COL4A1: variants seen among roughly 807,000 people sequenced by gnomAD.
COL4A1 encodes collagen type IV alpha 1 chain.
COL4A1 carries 40 observed loss-of-function variants against 216.6 expected under a neutral mutation model. The ratio of observed to expected loss-of-function variants is 0.18; its 90% CI spans 0.14 to 0.24. The LOEUF is 0.24. Among genes scored for constraint, COL4A1 ranks in the 10% least tolerant of loss-of-function variants. The pLI, the probability that COL4A1 is intolerant of heterozygous loss-of-function variation, is 1.00. For missense variants in COL4A1, 1,628 were observed against 2,196.8 expected (o/e 0.74, Z 5.18); for synonymous variants, 839 against 810.7 (o/e 1.03, Z -0.59).
chr13:110,270,534 A>G (rs944137766), intron 1 of COL4A1, among the ~76,000 whole-genome samples: 2 of 152,116 alleles, frequency 1.3e-5, no homozygotes, highest in African/African-American at 2.4e-5. Context: ...CACAACAACC[A>G]TTGTAGGGTT....
chr13:110,169,649 G>A lies in COL4A1; in HGVS notation c.3856C>T (p.Pro1286Ser), dbSNP rs1877514848. ...APGVPGPKGD[P>S]GFQGMPGIGG... ...CTCACAGGCATGCCCTGGAATCCAGGGTCTCCCTTGGGCCCTGGGACACCG... is the reference window on the plus strand; with the variant it reads ...CTCACAGGCATGCCCTGGAATCCAGAGTCTCCCTTGGGCCCTGGGACACCG... Residue 1286 changes from proline (P) to serine (S), a missense_variant, in exon 43 of 52, where the codon CCT (proline) becomes TCT (serine). By Grantham distance (74) the Pro-to-Ser change is moderately conservative (BLOSUM62 -1). Transcript: ENST00000375820. 2.5e-6 allele frequency: 4 copies of A among 1,614,022 alleles called. No individual in the cohort carries two copies. Among genetic ancestry groups the A allele is most frequent in the Middle Eastern group, 1.6e-4 (1 of 6,062 alleles).
Position 110,179,301 on chromosome 13 carries a change from T to C in COL4A1, c.2314A>G (p.Ile772Val). ...VPGVPGEHGA[I>V]GPPGLQGIRG... The stretch of plus-strand genomic sequence containing the variant: ...ATCCCCTGAAGCCCAGGGGGTCCGA[T>C]CGCTCCATGTTCTCCAGGAACGCCT... Residue 772 changes from isoleucine to valine, a missense_variant, in exon 30 of 52, where the codon ATC (isoleucine) becomes GTC (valine). Ile to Val is a conservative substitution (Grantham distance 29, BLOSUM62 3). Coordinates refer to ENST00000375820, the MANE Select transcript of COL4A1 (RefSeq NM_001845.6). 1 of 1,614,102 alleles carries C rather than the reference T, an allele frequency of 6.2e-7. No homozygotes were observed. The highest frequency in any genetic ancestry group is 8.5e-7 in the Non-Finnish European group (1 of 1,180,026).
At chr13:110,246,922 T>C (rs182091848) in intron 1 of COL4A1, among the ~76,000 whole-genome samples, 27 of 152,010 alleles carry the variant, frequency 1.8e-4, no homozygotes, top group Non-Finnish European at 1.3e-4. Context: ...ACGAAGGCAG[T>C]CTCCACTTGG....
chr13:110,212,496 GA>G lies in COL4A1; in HGVS notation c.325-18del. Reference sequence around the variant, plus strand: ...AGGAATTCCCTGCAATGAAGAAAGTGAAAATGTAACCCAGGCAGAAAATCGC... The same window carrying G: ...AGGAATTCCCTGCAATGAAGAAAGTGAAATGTAACCCAGGCAGAAAATCGC... On this transcript the variant is annotated intron_variant, in intron 5 of 51. Transcript: ENST00000375820. The G allele has an allele frequency of 6.2e-7, 1 of 1,614,224 alleles. No individual in the cohort carries two copies. Among genetic ancestry groups the G allele is most frequent in the East Asian group, 2.2e-5 (1 of 44,888 alleles).
intron 11 of COL4A1, among the ~76,000 whole-genome samples, chr13:110,209,185 G>A (rs1020136088): frequency 6.6e-6 from 1 of 152,106 alleles, no homozygotes; most frequent in Non-Finnish European, 1.5e-5. Context: ...TATTGACTAA[G>A]GGATGGATGA....
chr13:110,184,718 T>C (rs1370228515), intron 26 of COL4A1, among the ~76,000 whole-genome samples: 1 of 152,168 alleles, frequency 6.6e-6, no homozygotes, highest in African/African-American at 2.4e-5. Context: ...TTTGTTTGTT[T>C]GTTTGTTTTT....
At chr13:110,200,637 G>A (rs1226700602) in intron 20 of COL4A1, among the ~76,000 whole-genome samples, 2 of 152,138 alleles carry the variant, frequency 1.3e-5, no homozygotes. Flanking sequence ...ACATAAGGGT[G>A]TACATGTTCA....
intron 1 of COL4A1, chr13:110,305,812 A>T (rs1383017532): frequency 1.3e-5 from 2 of 152,258 alleles, no homozygotes; most frequent in East Asian, 3.8e-4. Context: ...GGCATGTAAC[A>T]GTTAACAATT....
intron 22 of COL4A1, 44 bp downstream of exon 22, chr13:110,194,979 C>G (rs763700172): frequency 3.2e-6 from 5 of 1,560,898 alleles, no homozygotes; most frequent in Non-Finnish European, 4.4e-6. Context: ...AAAAATCATA[C>G]GCAAAGACAC....
intron 2 of COL4A1, among the ~76,000 whole-genome samples, chr13:110,230,716 T>C (rs1459046954): frequency 1.3e-5 from 2 of 152,200 alleles, no homozygotes; most frequent in Non-Finnish European, 2.9e-5. Flanking sequence ...GTGCTGTTCC[T>C]CACGTTTGCT....
chr13:110,228,999 T>C (rs1182656262), intron 2 of COL4A1, among the ~76,000 whole-genome samples: 3 of 152,194 alleles, frequency 2.0e-5, no homozygotes, highest in Admixed American at 6.5e-5. Flanking sequence ...CCAGATGGCA[T>C]TGGGGATTCC....
At chr13:110,171,430 T>G (rs528452363) in intron 41 of COL4A1, among the ~76,000 whole-genome samples, 1 of 152,312 alleles carries the variant, frequency 6.6e-6, no homozygotes, top group Admixed American at 6.5e-5. Context: ...CCTTATCAAA[T>G]TGTCCACTTT....
chr13:110,199,495 T>C (rs1378592919), intron 20 of COL4A1, among the ~76,000 whole-genome samples: 2 of 152,206 alleles, frequency 1.3e-5, no homozygotes, highest in Non-Finnish European at 2.9e-5. Flanking sequence ...GCGGCCCCTG[T>C]GGGCTTCCAC....
intron 47 of COL4A1, among the ~76,000 whole-genome samples, chr13:110,162,975 A>G (rs1877156347): frequency 6.6e-6 from 1 of 152,224 alleles, no homozygotes; most frequent in Admixed American, 6.5e-5. Flanking sequence ...CCACGTGCCA[A>G]ACTGTGCCCA....
intron 21 of COL4A1, among the ~76,000 whole-genome samples, chr13:110,196,570 A>T (rs635230): frequency 0.86 from 130,696 of 152,112 alleles, 56,397 homozygotes; most frequent in African/African-American, 0.93. Flanking sequence ...AATCCCTTCA[A>T]ATCCCTGACA....
chr13:110,181,944 G>A (rs73611419), intron 28 of COL4A1, among the ~76,000 whole-genome samples: 221 of 152,288 alleles, frequency 1.5e-3, no homozygotes, highest in Admixed American at 2.0e-3. Flanking sequence ...TGAGGTCTCC[G>A]ATGTCCAGTA....
chr13:110,153,998 C>A (rs1876635981), intron 50 of COL4A1, among the ~76,000 whole-genome samples: 1 of 152,144 alleles, frequency 6.6e-6, no homozygotes, highest in African/African-American at 2.4e-5. Flanking sequence ...AGCGTCCTCA[C>A]TCAAACATTA....
chr13:110,162,244 T>C lies in COL4A1; in HGVS notation c.4448A>G (p.His1483Arg). The change falls in exon 48 of 52, where the codon CAT (histidine) becomes CGT (arginine). Residue 1483 changes from histidine (H) to arginine (R), a missense_variant. Physicochemically the swap from His to Arg is conservative, Grantham distance 29. Transcript: ENST00000375820. ...AGGCTTCTTACCCAAGTCCTGGCCA[T>C]GGGCCCGTTCATTGCCTTGCACGTA... ...LLYVQGNERA[H>R]GQDLGTAGSC... is the part of the protein sequence containing the mutation. 1 of 1,614,224 alleles carries C rather than the reference T, an allele frequency of 6.2e-7. No homozygotes were observed. Among genetic ancestry groups the C allele is most frequent in the Non-Finnish European group, 8.5e-7 (1 of 1,180,038 alleles).
chr13:110,291,901 C>G (rs1884104434), intron 1 of COL4A1, among the ~76,000 whole-genome samples: 1 of 152,186 alleles, frequency 6.6e-6, no homozygotes, highest in Non-Finnish European at 1.5e-5. Context: ...AGCATAGATT[C>G]TACATGGCGA....
Sources: gnomAD v4.1 joint callset for allele counts (sites outside exome capture counted in the v4.1 genomes callset) on GRCh38, gnomAD v4.1.1 for gene constraint, MANE v1.5 for transcripts, NCBI Gene and HGNC (gene_info 2026-07-23, HGNC 2026-07-21) for gene names.